TNR: variants seen among roughly 807,000 people sequenced by gnomAD.
TNR encodes the protein tenascin R, also known as tenascin-R.
In TNR, 45 loss-of-function variants were observed where a neutral mutation model predicts 150.4. The ratio of observed to expected loss-of-function variants is 0.30; its 90% confidence interval spans 0.24 to 0.38. The LOEUF is 0.38. Ranked by LOEUF, TNR falls within the 10% of genes least tolerant of loss-of-function variation. The pLI, the probability that TNR is intolerant of heterozygous loss-of-function variation, is 1.00. For missense variants in TNR, 1,544 were observed against 1,759.1 expected, an observed-to-expected ratio of 0.88 and a Z score of 2.19; for synonymous variants, 687 against 678.4, an observed-to-expected ratio of 1.01 and a Z score of -0.20.
intron 21 of TNR, among the ~76,000 whole-genome samples, chr1:175,329,456 C>T (rs1649595953): frequency 2.0e-5 from 3 of 152,160 alleles, no homozygotes; most frequent in Admixed American, 1.3e-4. Flanking sequence ...GAAAACCTGA[C>T]CGTCTATGTG....
Position 175,530,898 on chromosome 1 carries a change from T to G in TNR, c.-164-2529A>C, listed in dbSNP as rs193209062. Among the ~76,000 whole-genome samples the G allele has an allele frequency of 9.8e-5, 15 of 152,316 alleles. No individual in the cohort carries two copies. The East Asian group carries it at 2.9e-3, about 29-fold the overall frequency. ...GGATATGTGCACTTATTTACTTTTT[T>G]AGTCATTGGCAGCAACCATTTACTG... On this transcript the variant is annotated intron_variant, in intron 1 of 22. Coordinates refer to ENST00000367674, the MANE Select transcript of TNR (RefSeq NM_003285.3).
chr1:175,438,928 TCA>T (rs1311280389), intron 2 of TNR, among the ~76,000 whole-genome samples: 2 of 151,900 alleles, frequency 1.3e-5, no homozygotes, highest in African/African-American at 2.4e-5. Flanking sequence ...AGAATCAATA[TCA>T]TGAAAATGGC....
At position 175,435,965 on chromosome 1, in the gene TNR, C is replaced by A. The variant is rs190483525; in HGVS notation, c.-63-29188G>T. Among the ~76,000 whole-genome samples, 194 of 152,234 alleles carry A rather than the reference C, an allele frequency of 1.3e-3. 9 individuals are homozygous for A. The East Asian group carries it at 0.033, about 26-fold the overall frequency. On this transcript the variant is annotated intron_variant, in intron 2 of 22. Coordinates refer to ENST00000367674, the MANE Select transcript of TNR (RefSeq NM_003285.3). Reference sequence around the variant, plus strand: ...TTCTTTAAGAATGTTGAATATTGGCCCCCACTCTCTTCTGGCTTGCAGAGT... The same window carrying A: ...TTCTTTAAGAATGTTGAATATTGGCACCCACTCTCTTCTGGCTTGCAGAGT...
chr1:175,584,634 G>A (rs533112676), intron 1 of TNR, among the ~76,000 whole-genome samples: 3 of 152,214 alleles, frequency 2.0e-5, no homozygotes, highest in South Asian at 2.1e-4. Context: ...ATAAATACTC[G>A]CTATTTGATG....
At chr1:175,589,643 T>C (rs567625132) in intron 1 of TNR, among the ~76,000 whole-genome samples, 3 of 152,318 alleles carry the variant, frequency 2.0e-5, no homozygotes, top group African/African-American at 7.2e-5. Flanking sequence ...GTGGCACATA[T>C]ACACCATGGA....
chr1:175,567,863 C>T (rs1189336639), intron 1 of TNR, among the ~76,000 whole-genome samples: 2 of 151,992 alleles, frequency 1.3e-5, no homozygotes, highest in South Asian at 4.1e-4. Flanking sequence ...GCCAGTCTCA[C>T]AATTCCTATA....
At chr1:175,416,263 G>T (rs1211281003) in intron 2 of TNR, among the ~76,000 whole-genome samples, 3 of 152,106 alleles carry the variant, frequency 2.0e-5, no homozygotes, top group African/African-American at 7.2e-5. Flanking sequence ...ATAGATGAGG[G>T]TATGGGAATG....
intron 16 of TNR, 80 bp from the exon 17 acceptor site, chr1:175,355,713 T>A: frequency 6.3e-7 from 1 of 1,585,544 alleles, no homozygotes; most frequent in Non-Finnish European, 8.6e-7. Flanking sequence ...GGGTATCTGT[T>A]GCCCACCTCT....
chr1:175,543,319 G>A (rs867736715), intron 1 of TNR, among the ~76,000 whole-genome samples: 1 of 152,166 alleles, frequency 6.6e-6, no homozygotes, highest in Non-Finnish European at 1.5e-5. Flanking sequence ...TAATGGGAGA[G>A]ACAGGTTCTA....
intron 1 of TNR, among the ~76,000 whole-genome samples, chr1:175,618,482 G>T (rs1663852069): frequency 6.6e-6 from 1 of 152,084 alleles, no homozygotes; most frequent in South Asian, 2.1e-4. Context: ...ATGCATATTG[G>T]CAGCCACTTA....
intron 1 of TNR, among the ~76,000 whole-genome samples, chr1:175,550,561 T>C (rs1660899787): frequency 6.6e-6 from 1 of 151,010 alleles, no homozygotes; most frequent in African/African-American, 2.4e-5. Flanking sequence ...AATGTCTCTG[T>C]AGAAATGAAG....
At position 175,613,337 on chromosome 1, in the gene TNR, G is replaced by A. The variant is rs577123436; in HGVS notation, c.-164-84968C>T. ...TAAAGGCTCCTTGTCCAAATCTGGG[G>A]TATTTTGTGAGCCAGTCAACATCAC... On this transcript the variant is annotated intron_variant, in intron 1 of 22. Transcript: ENST00000367674. Among the ~76,000 whole-genome samples the A allele has an allele frequency of 2.0e-5, 3 of 152,226 alleles. No individual in the cohort carries two copies. In the South Asian group the frequency reaches 6.2e-4, roughly 32 times the overall value.
At chr1:175,517,046 AG>A (rs1659439316) in intron 2 of TNR, among the ~76,000 whole-genome samples, 3 of 149,892 alleles carry the variant, frequency 2.0e-5, no homozygotes, top group African/African-American at 5.0e-5. Flanking sequence ...AGAGAGAGAG[AG>A]AGAGAGAGAG....
chr1:175,662,739 G>C (rs925589350), intron 1 of TNR, among the ~76,000 whole-genome samples: 5 of 152,304 alleles, frequency 3.3e-5, no homozygotes, highest in Middle Eastern at 3.4e-3. Flanking sequence ...TCCACAGTCT[G>C]GGTGTGGGGG....
chr1:175,711,620 A>G (rs1667018561), intron 1 of TNR, among the ~76,000 whole-genome samples: 2 of 152,202 alleles, frequency 1.3e-5, no homozygotes, highest in Admixed American at 6.5e-5. Flanking sequence ...ACTGGGGAGA[A>G]GGCTAGTGCA....
intron 1 of TNR, among the ~76,000 whole-genome samples, chr1:175,580,672 A>AT (rs1344142652): frequency 4.6e-5 from 7 of 151,974 alleles, no homozygotes; most frequent in South Asian, 4.2e-4. Flanking sequence ...CATTTAACTT[A>AT]TTTTTTTTAC....
At chr1:175,465,734 G>A (rs1292657459) in intron 2 of TNR, among the ~76,000 whole-genome samples, 1 of 148,430 alleles carries the variant, frequency 6.7e-6, no homozygotes, top group Non-Finnish European at 1.5e-5. Flanking sequence ...CTTGCTCATG[G>A]TTCCAGGCTA....
In TNR at chr1:175,406,421, C is replaced by T. The variant is rs773126244; in HGVS notation, c.294G>A (p.Leu98=). 47 of 1,614,038 alleles carry T rather than the reference C, an allele frequency of 2.9e-5. No homozygotes were observed. The highest frequency in any genetic ancestry group is 3.9e-5 in the Non-Finnish European group (46 of 1,180,032). Residue 98 remains leucine (L), a synonymous_variant, in exon 3 of 23, where the codon CTG becomes CTA. Transcript: ENST00000367674. ...EQEVSAEDET[L]AEYMGQTSDH... is the part of the protein sequence containing the mutation. ...CTGAGGTCTGGCCCATGTACTCTGC[C>T]AGAGTCTCGTCTTCTGCACTCACCT...
chr1:175,415,938 G>A (rs1341146291), intron 2 of TNR, among the ~76,000 whole-genome samples: 4 of 152,056 alleles, frequency 2.6e-5, no homozygotes, highest in East Asian at 1.9e-4. Context: ...GGGGGTGGGG[G>A]CGCCTATTTC....
Sources: gnomAD v4.1 joint callset for allele counts (sites outside exome capture counted in the v4.1 genomes callset) on GRCh38, gnomAD v4.1.1 for gene constraint, MANE v1.5 for transcripts, NCBI Gene and HGNC (gene_info 2026-07-23, HGNC 2026-07-21) for gene names.